RIMS1: variants seen among roughly 807,000 people sequenced by gnomAD.
The protein encoded by RIMS1 is regulating synaptic membrane exocytosis protein 1.
RIMS1 carries 83 observed loss-of-function variants against 214.1 expected under a neutral mutation model. That is an observed-to-expected ratio of 0.39 (90% CI 0.32 to 0.47). The LOEUF is 0.47. Among genes scored for constraint, RIMS1 ranks in the 20% least tolerant of loss-of-function variants. The pLI is 0.99. For synonymous variants in RIMS1, 793 were observed against 786.8 expected, an observed-to-expected ratio of 1.01 and a Z score of -0.13; for missense variants, 2,050 against 2,161.8, an observed-to-expected ratio of 0.95 and a Z score of 1.03.
chr6:71,959,745 C>A (rs1792373184), intron 1 of RIMS1, among the ~76,000 whole-genome samples: 1 of 151,996 alleles, frequency 6.6e-6, no homozygotes, highest in Admixed American at 6.6e-5. Context: ...TTTGTGGCTC[C>A]TGCTACATCT....
At chr6:72,164,415 C>A (rs1168654248) in intron 4 of RIMS1, among the ~76,000 whole-genome samples, 2 of 152,248 alleles carry the variant, frequency 1.3e-5, no homozygotes, top group Admixed American at 6.5e-5. Flanking sequence ...CACTGTCTGA[C>A]ACTCCCCAGT....
At chr6:72,355,285 TGTAA>T (rs998927371) in intron 29 of RIMS1, among the ~76,000 whole-genome samples, 15 of 152,288 alleles carry the variant, frequency 9.8e-5, no homozygotes, top group South Asian at 4.2e-4. Context: ...TAAAAATCCC[TGTAA>T]GTATTACAAT....
intron 6 of RIMS1, among the ~76,000 whole-genome samples, chr6:72,185,963 T>TA (rs2049038174): frequency 6.6e-6 from 1 of 152,250 alleles, no homozygotes; most frequent in African/African-American, 2.4e-5. Flanking sequence ...TAATGACTAG[T>TA]AAATATATGT....
At chr6:72,214,263 T>C (rs2054735902) in intron 6 of RIMS1, among the ~76,000 whole-genome samples, 1 of 152,144 alleles carries the variant, frequency 6.6e-6, no homozygotes, top group Admixed American at 6.5e-5. Context: ...TAACAGAAAA[T>C]ACTTAATAAA....
intron 1 of RIMS1, among the ~76,000 whole-genome samples, chr6:71,909,436 C>T (rs751604985): frequency 1.3e-4 from 20 of 151,180 alleles, no homozygotes; most frequent in Non-Finnish European, 2.4e-4. Context: ...AGAGTTGACT[C>T]TCTGAATTCT....
intron 29 of RIMS1, among the ~76,000 whole-genome samples, chr6:72,365,541 A>G (rs1207469569): frequency 1.3e-5 from 2 of 152,190 alleles, no homozygotes; most frequent in Admixed American, 6.5e-5. Context: ...TCTACCACTT[A>G]TATGTCTATT....
chr6:71,942,122 T>C (rs1786338721), intron 1 of RIMS1, among the ~76,000 whole-genome samples: 1 of 152,214 alleles, frequency 6.6e-6, no homozygotes, highest in Admixed American at 6.5e-5. Flanking sequence ...GAGAGCACTT[T>C]CTTTTATTCT....
In RIMS1 at chr6:72,280,532, A is replaced by T. The variant is rs541333477; in HGVS notation, c.3483-3515A>T. ...AGAAAATTATTGCAATTAAGTGCAT[A>T]TCATTTTAACTTAATTTACGTATTC... is the stretch of plus-strand genomic sequence containing the variant. On this transcript the variant is annotated intron_variant, in intron 23 of 33. Transcript: ENST00000521978. Among the ~76,000 whole-genome samples the T allele has an allele frequency of 1.3e-5, 2 of 152,152 alleles. 1 individual carries two copies. The highest frequency in any genetic ancestry group is 4.8e-5 in the African/African-American group (2 of 41,560).
intron 27 of RIMS1, 113 bp from the exon 28 acceptor site, chr6:72,313,393 C>G: frequency 1.2e-6 from 1 of 822,526 alleles, no homozygotes; most frequent in Non-Finnish European, 1.9e-6. Context: ...TACAGCTACT[C>G]TTATGAAGGT....
intron 4 of RIMS1, among the ~76,000 whole-genome samples, chr6:72,143,747 GAT>G (rs559025323): frequency 6.6e-6 from 1 of 152,116 alleles, no homozygotes; most frequent in Non-Finnish European, 1.5e-5. Context: ...TGCCAAAGAG[GAT>G]ACAATTAATT....
At chr6:72,272,039 A>G (rs2083654219) in intron 22 of RIMS1, among the ~76,000 whole-genome samples, 1 of 152,192 alleles carries the variant, frequency 6.6e-6, no homozygotes, top group Admixed American at 6.5e-5. Flanking sequence ...AAGTATGAAT[A>G]ATTTACTAAG....
At chr6:72,149,260 C>G (rs755705927) in intron 4 of RIMS1, among the ~76,000 whole-genome samples, 5 of 152,144 alleles carry the variant, frequency 3.3e-5, no homozygotes, top group African/African-American at 7.2e-5. Context: ...TGCAACAGCA[C>G]CTTTAACATT....
intron 29 of RIMS1, among the ~76,000 whole-genome samples, chr6:72,356,807 A>T (rs944494563): frequency 9.9e-5 from 15 of 152,194 alleles, no homozygotes; most frequent in Admixed American, 5.9e-4. Flanking sequence ...ATGAGACTTT[A>T]GCCTTCTGCT....
intron 29 of RIMS1, among the ~76,000 whole-genome samples, chr6:72,354,196 G>T (rs1422056126): frequency 6.6e-6 from 1 of 152,068 alleles, no homozygotes; most frequent in Non-Finnish European, 1.5e-5. Flanking sequence ...CTCCAGCCTG[G>T]GCAACAGAGT....
At chr6:71,935,256 T>A (rs1332266673) in intron 1 of RIMS1, among the ~76,000 whole-genome samples, 1 of 152,240 alleles carries the variant, frequency 6.6e-6, no homozygotes, top group Non-Finnish European at 1.5e-5. Context: ...GTCAATATTT[T>A]ATCAAGTCAT....
At chr6:72,129,630 A>G (rs1345296536) in intron 4 of RIMS1, among the ~76,000 whole-genome samples, 1 of 152,166 alleles carries the variant, frequency 6.6e-6, no homozygotes, top group Non-Finnish European at 1.5e-5. Context: ...TAAGTAGAAC[A>G]GAAAGATCTA....
intron 26 of RIMS1, among the ~76,000 whole-genome samples, chr6:72,304,050 T>C (rs1213470027): frequency 6.6e-6 from 1 of 151,644 alleles, no homozygotes; most frequent in Non-Finnish European, 1.5e-5. Flanking sequence ...TTACATTTCT[T>C]GTAAAAAATG....
intron 2 of RIMS1, among the ~76,000 whole-genome samples, chr6:72,010,811 G>T (rs1390684255): frequency 1.3e-5 from 2 of 151,940 alleles, no homozygotes; most frequent in Non-Finnish European, 2.9e-5. Context: ...ACAAACCACT[G>T]CTCAATGAAA....
At chr6:72,020,173 A>T (rs1814169081) in intron 2 of RIMS1, among the ~76,000 whole-genome samples, 1 of 152,200 alleles carries the variant, frequency 6.6e-6, no homozygotes, top group African/African-American at 2.4e-5. Context: ...TCTTTTTAAT[A>T]TAGCAGTCAA....
Sources: allele counts gnomAD v4.1 joint callset (sites outside exome capture counted in the v4.1 genomes callset), GRCh38; gene constraint gnomAD v4.1.1; transcripts MANE v1.5; gene names NCBI Gene and HGNC (gene_info 2026-07-23, HGNC 2026-07-21).